The following GREM2 variants were observed in gnomAD, a reference collection of about 807,000 sequenced individuals.
The protein encoded by GREM2 is gremlin-2.
A neutral mutation model predicts 14.2 loss-of-function variants in GREM2; 11 were observed. That is an observed-to-expected ratio of 0.78 (90% CI 0.49 to 1.28). The LOEUF is 1.28. Ranked by LOEUF, GREM2 falls within the 50% of genes most tolerant of loss-of-function variation. The pLI is 0.00. For missense variants in GREM2, 210 were observed against 218.5 expected (o/e 0.96, Z 0.24); for synonymous variants, 98 against 97.6 (o/e 1.00, Z -0.02).
intron 1 of GREM2, among the ~76,000 whole-genome samples, chr1:240,591,436 G>A (rs1277101236): frequency 6.6e-6 from 1 of 152,194 alleles, no homozygotes; most frequent in Non-Finnish European, 1.5e-5. Flanking sequence ...AAATTATTCA[G>A]CATTTGATGA....
At chr1:240,520,430 G>A (rs979319662) in intron 1 of GREM2, among the ~76,000 whole-genome samples, 1 of 152,232 alleles carries the variant, frequency 6.6e-6, no homozygotes, top group Non-Finnish European at 1.5e-5. Context: ...GACAGTGTGA[G>A]TGGACTCTGC....
intron 1 of GREM2, among the ~76,000 whole-genome samples, chr1:240,563,167 G>A (rs548828893): frequency 9.9e-5 from 15 of 151,630 alleles, no homozygotes; most frequent in Non-Finnish European, 2.1e-4. Context: ...GTGTGTACGT[G>A]TGAGTGTGTG....
chr1:240,587,333 G>T (rs1026986769), intron 1 of GREM2, among the ~76,000 whole-genome samples: 1 of 150,816 alleles, frequency 6.6e-6, no homozygotes, highest in Non-Finnish European at 1.5e-5. Flanking sequence ...TTTTTTTTGG[G>T]GGGGTGGGGA....
At chr1:240,554,031 G>A (rs950268706) in intron 1 of GREM2, among the ~76,000 whole-genome samples, 3 of 152,062 alleles carry the variant, frequency 2.0e-5, no homozygotes, top group Non-Finnish European at 2.9e-5. Flanking sequence ...CATCAACTCC[G>A]GACTTGGATG....
At chr1:240,530,747 T>G (rs890749567) in intron 1 of GREM2, 1 of 152,212 alleles carries the variant, frequency 6.6e-6, no homozygotes, top group Non-Finnish European at 1.5e-5. Flanking sequence ...CTTTCTATGC[T>G]AGCCACGTAT....
chr1:240,590,101 A>G (rs1022565158), intron 1 of GREM2, among the ~76,000 whole-genome samples: 6 of 152,202 alleles, frequency 3.9e-5, no homozygotes, highest in African/African-American at 1.4e-4. Flanking sequence ...TTGAACAGTT[A>G]TCTGTGAGCA....
At chr1:240,511,538 G>A (rs964442761) in intron 1 of GREM2, among the ~76,000 whole-genome samples, 4 of 152,150 alleles carry the variant, frequency 2.6e-5, no homozygotes, top group African/African-American at 4.8e-5. Context: ...ATAACCTGAG[G>A]TTAGGAGTTG....
intron 1 of GREM2, among the ~76,000 whole-genome samples, chr1:240,534,911 T>C (rs1678444284): frequency 6.6e-6 from 1 of 152,152 alleles, no homozygotes; most frequent in Non-Finnish European, 1.5e-5. Context: ...CGCCAGATAC[T>C]TAGCTACCAA....
chr1:240,532,921 T>C (rs1398375717), intron 1 of GREM2, among the ~76,000 whole-genome samples: 1 of 152,236 alleles, frequency 6.6e-6, no homozygotes, highest in Non-Finnish European at 1.5e-5. Context: ...CTCTTCATAC[T>C]CTTCAAGTCA....
At chr1:240,599,472 C>T (rs750253364) in intron 1 of GREM2, among the ~76,000 whole-genome samples, 4 of 152,114 alleles carry the variant, frequency 2.6e-5, no homozygotes, top group Non-Finnish European at 5.9e-5. Context: ...TGACTTTCCT[C>T]TGACAAACAG....
At chr1:240,500,964 C>T (rs1677558594) in intron 1 of GREM2, among the ~76,000 whole-genome samples, 1 of 152,078 alleles carries the variant, frequency 6.6e-6, no homozygotes, top group Admixed American at 6.5e-5. Flanking sequence ...GTATCCTTTC[C>T]CCTGGGTAAT....
rs554173331 is a variant in GREM2 at position 240,563,005 on chromosome 1, T to A, written c.-2+48879A>T. On this transcript the variant is annotated intron_variant, in intron 1 of 1. Coordinates refer to ENST00000318160, the MANE Select transcript of GREM2 (RefSeq NM_022469.4). ...ATGTAAGTGTGTATGTGTGTATATG[T>A]GAGTGTATGTGTGTATGTGTGTATA... Among the ~76,000 whole-genome samples, 60 of 150,486 alleles carry A rather than the reference T, an allele frequency of 4.0e-4. 1 individual carries two copies. The South Asian group carries it at 0.012, about 31-fold the overall frequency.
chr1:240,493,487 GAA>G lies in GREM2; in HGVS notation c.-1-13_-1-12del. ...AGCTTCCAGAACATCCTGCAAACGA[GAA>G]AAGAGAGGGGCTGGCTGTGAAGGGC... On this transcript the variant is annotated splice_polypyrimidine_tract_variant and intron_variant, in intron 1 of 1. Coordinates refer to ENST00000318160, the MANE Select transcript of GREM2 (RefSeq NM_022469.4). 6.3e-7 allele frequency: 1 copy of G among 1,592,314 alleles called. No individual in the cohort carries two copies.
At chr1:240,544,022 GCCT>G (rs1558156424) in intron 1 of GREM2, among the ~76,000 whole-genome samples, 2 of 152,160 alleles carry the variant, frequency 1.3e-5, no homozygotes, top group Non-Finnish European at 2.9e-5. Context: ...AATTTGCTGT[GCCT>G]CAAGTACTAC....
At chr1:240,496,789 C>G (rs1443122574) in intron 1 of GREM2, among the ~76,000 whole-genome samples, 2 of 152,060 alleles carry the variant, frequency 1.3e-5, no homozygotes, top group African/African-American at 4.8e-5. Context: ...GTGGGCGGAT[C>G]CCCTGATGTC....
chr1:240,493,552 T>TA (rs34695275), intron 1 of GREM2, 76 bp from the exon 2 acceptor site: 240,808 of 1,396,950 alleles, frequency 0.17, 6,549 homozygotes, highest in South Asian at 0.27. Flanking sequence ...TTTTTTTTTT[T>TA]ATTTTAGACA....
chr1:240,562,393 G>A (rs922199137), intron 1 of GREM2, among the ~76,000 whole-genome samples: 7 of 152,036 alleles, frequency 4.6e-5, no homozygotes, highest in Admixed American at 2.0e-4. Flanking sequence ...AAACTGACAG[G>A]GTCACTTGTG....
intron 1 of GREM2, among the ~76,000 whole-genome samples, chr1:240,523,096 T>TC (rs1678138683): frequency 6.6e-6 from 1 of 152,184 alleles, no homozygotes; most frequent in Non-Finnish European, 1.5e-5. Flanking sequence ...TGGAATATAA[T>TC]CAGTTTCTTT....
intron 1 of GREM2, among the ~76,000 whole-genome samples, chr1:240,494,360 A>G (rs553445371): frequency 6.6e-6 from 1 of 152,300 alleles, no homozygotes; most frequent in South Asian, 2.1e-4. Context: ...CCAGACATCT[A>G]CCTCCAGAGC....
Sources: allele counts gnomAD v4.1 joint callset (sites outside exome capture counted in the v4.1 genomes callset), GRCh38; gene constraint gnomAD v4.1.1; transcripts MANE v1.5; gene names NCBI Gene and HGNC (gene_info 2026-07-23, HGNC 2026-07-21).